ENOX2: variants seen among roughly 807,000 people sequenced by gnomAD.
The protein encoded by ENOX2 is APK1 antigen.
ENOX2 carries 36 observed loss-of-function variants against 45.0 expected under a neutral mutation model. The observed-to-expected ratio is 0.80, with a 90% CI of 0.61 to 1.06. The LOEUF is 1.06. ENOX2 is among the 50% of genes least tolerant of loss of function. The pLI is 0.00. For missense variants in ENOX2, 423 were observed against 462.5 expected, an observed-to-expected ratio of 0.91 and a Z score of 0.78; for synonymous variants, 174 against 152.3, an observed-to-expected ratio of 1.14 and a Z score of -1.05.
At chrX:130,801,171 G>T (rs1386459081) in intron 2 of ENOX2, among the ~76,000 whole-genome samples, 1 of 112,294 alleles carries the variant, frequency 8.9e-6, no homozygotes, top group African/African-American at 3.2e-5. Flanking sequence ...AAGTCTTGGC[G>T]TGCTAGCACA....
chrX:130,869,665 T>G (rs1256292057), intron 2 of ENOX2, among the ~76,000 whole-genome samples: 1 of 112,393 alleles, frequency 8.9e-6, no homozygotes. Context: ...CAGTTTTTCC[T>G]GATTCAGGAT....
chrX:130,821,374 A>G (rs938662438), intron 2 of ENOX2, among the ~76,000 whole-genome samples: 7 of 95,487 alleles, frequency 7.3e-5, no homozygotes, highest in Non-Finnish European at 1.3e-4. Context: ...AAAAATGATG[A>G]GTTCATGTCC....
At chrX:130,842,618 A>G (rs181007546) in intron 2 of ENOX2, among the ~76,000 whole-genome samples, 304 of 111,921 alleles carry the variant, frequency 2.7e-3, no homozygotes, top group Non-Finnish European at 3.8e-3. Context: ...GCTAAAGCCA[A>G]TGATCACTTT....
At chrX:130,852,953 C>T (rs778488260) in intron 2 of ENOX2, among the ~76,000 whole-genome samples, 1 of 111,234 alleles carries the variant, frequency 9.0e-6, no homozygotes, top group Non-Finnish European at 1.9e-5. Flanking sequence ...CTCTCTATTT[C>T]TCCCATTAAG....
At chrX:130,681,972 T>C (rs1443627713) in intron 5 of ENOX2, among the ~76,000 whole-genome samples, 1 of 107,869 alleles carries the variant, frequency 9.3e-6, no homozygotes, top group African/African-American at 3.4e-5. Flanking sequence ...GATAGAGAAA[T>C]CTACAGCTAT....
chrX:130,813,279 G>A (rs901077502), intron 2 of ENOX2, among the ~76,000 whole-genome samples: 1 of 112,145 alleles, frequency 8.9e-6, no homozygotes, highest in Non-Finnish European at 1.9e-5. Flanking sequence ...AACACGCAAG[G>A]AGAAAGGACA....
chrX:130,722,058 C>T (rs1341795518), intron 3 of ENOX2, among the ~76,000 whole-genome samples: 2 of 111,477 alleles, frequency 1.8e-5, no homozygotes, highest in Non-Finnish European at 3.8e-5. Context: ...ATGACTGTTA[C>T]TTGTAGAACT....
At chrX:130,855,458 A>T (rs1017143183) in intron 2 of ENOX2, among the ~76,000 whole-genome samples, 2 of 111,969 alleles carry the variant, frequency 1.8e-5, no homozygotes, top group African/African-American at 6.5e-5. Flanking sequence ...GGAGACACAT[A>T]CTGCACTCAA....
chrX:130,700,450 A>G (rs1161940489), intron 4 of ENOX2, among the ~76,000 whole-genome samples: 2 of 112,101 alleles, frequency 1.8e-5, no homozygotes, highest in African/African-American at 6.5e-5. Context: ...TAAGAAAACA[A>G]GATGTGGAGA....
chrX:130,704,075 T>C (rs928356169), intron 3 of ENOX2, among the ~76,000 whole-genome samples: 2 of 111,970 alleles, frequency 1.8e-5, no homozygotes, highest in Admixed American at 1.9e-4. Context: ...TAGAGACATT[T>C]AAGAGAAGTT....
At chrX:130,660,205 T>G in intron 9 of ENOX2, among the ~76,000 whole-genome samples, 1 of 111,718 alleles carries the variant, frequency 9.0e-6, no homozygotes, top group Middle Eastern at 4.6e-3. Flanking sequence ...AGGCTCATAT[T>G]ATTATTCTTC....
At position 130,711,490 on chromosome X, in the gene ENOX2, CAA is replaced by C. The variant is rs754904695; in HGVS notation, c.-38-8238_-38-8237del. On this transcript the variant is annotated intron_variant, in intron 3 of 14. Transcript: ENST00000394363. ...ATGCTATTAGACAAGCAGGATGGAT[CAA>C]AGAGTCACTCAAGGGAATCAAGATG... is the stretch of plus-strand genomic sequence containing the variant. Among the ~76,000 whole-genome samples, 3 of 110,217 alleles carry C rather than the reference CAA, an allele frequency of 2.7e-5. No individual in the cohort carries two copies. The East Asian group carries it at 8.6e-4, about 32-fold the overall frequency.
intron 6 of ENOX2, among the ~76,000 whole-genome samples, chrX:130,677,663 G>A (rs1160442647): frequency 1.8e-5 from 2 of 111,743 alleles, no homozygotes; most frequent in Non-Finnish European, 3.8e-5. Flanking sequence ...AGGACTAGTG[G>A]CTTTATAAGA....
intron 5 of ENOX2, among the ~76,000 whole-genome samples, chrX:130,685,476 G>A (rs2037424397): frequency 8.9e-6 from 1 of 111,793 alleles, no homozygotes; most frequent in Non-Finnish European, 1.9e-5. Flanking sequence ...TAATTAGAAG[G>A]CTATTACAAT....
At chrX:130,713,576 C>T (rs72614151) in intron 3 of ENOX2, among the ~76,000 whole-genome samples, 14,346 of 110,902 alleles carry the variant, frequency 0.13, 819 homozygotes, top group East Asian at 0.26. Flanking sequence ...TGCCAACCCT[C>T]TGGCTTCATG....
At chrX:130,775,643 T>C (rs1012155140) in intron 3 of ENOX2, among the ~76,000 whole-genome samples, 4 of 110,781 alleles carry the variant, frequency 3.6e-5, no homozygotes, top group African/African-American at 1.3e-4. Flanking sequence ...GGCTCACTCA[T>C]CTCCACAGGT....
At chrX:130,831,147 T>A (rs1464330773) in intron 2 of ENOX2, among the ~76,000 whole-genome samples, 1 of 110,737 alleles carries the variant, frequency 9.0e-6, no homozygotes, top group Non-Finnish European at 1.9e-5. Context: ...TGGCACTAAC[T>A]CATTCATGAG....
chrX:130,889,300 G>C (rs1273797063), intron 2 of ENOX2, among the ~76,000 whole-genome samples: 1 of 111,807 alleles, frequency 8.9e-6, no homozygotes, highest in African/African-American at 3.3e-5. Flanking sequence ...AAGAAAGGTG[G>C]GGGATAGAGC....
chrX:130,723,284 C>T (rs1486114230), intron 3 of ENOX2, among the ~76,000 whole-genome samples: 1 of 112,297 alleles, frequency 8.9e-6, no homozygotes, highest in Non-Finnish European at 1.9e-5. Context: ...CCAACTACAG[C>T]ACTACCCAGG....
Sources: gnomAD v4.1 joint callset for allele counts (sites outside exome capture counted in the v4.1 genomes callset) on GRCh38, gnomAD v4.1.1 for gene constraint, MANE v1.5 for transcripts, NCBI Gene and HGNC (gene_info 2026-07-23, HGNC 2026-07-21) for gene names.